XKR6: variants seen among roughly 807,000 people sequenced by gnomAD.
The protein encoded by XKR6 is XK related 6, also known as XK-related protein 6.
XKR6 carries 22 observed loss-of-function variants against 56.7 expected under a neutral mutation model. The observed-to-expected ratio is 0.39, with a 90% CI of 0.28 to 0.55. The LOEUF is 0.55. Among genes scored for constraint, XKR6 ranks in the 20% least tolerant of loss-of-function variants. The pLI, the probability that XKR6 is intolerant of heterozygous loss-of-function variation, is 0.66. For missense variants in XKR6, 852 were observed against 889.0 expected, an observed-to-expected ratio of 0.96 and a Z score of 0.53; for synonymous variants, 524 against 387.8, an observed-to-expected ratio of 1.35 and a Z score of -4.13.
At chr8:11,071,640 C>G (rs987342738) in intron 1 of XKR6, among the ~76,000 whole-genome samples, 2 of 148,216 alleles carry the variant, frequency 1.3e-5, no homozygotes, top group African/African-American at 5.0e-5. Context: ...CCATGAGCCC[C>G]GAGTCCATGA....
At chr8:11,173,366 T>TATACACAC (rs1554478604) in intron 1 of XKR6, among the ~76,000 whole-genome samples, 4 of 143,976 alleles carry the variant, frequency 2.8e-5, no homozygotes, top group African/African-American at 1.1e-4. Flanking sequence ...TATATATATA[T>TATACACAC]ACACACACAC....
At chr8:11,118,656 C>G (rs1799296004) in intron 1 of XKR6, among the ~76,000 whole-genome samples, 1 of 152,044 alleles carries the variant, frequency 6.6e-6, no homozygotes, top group African/African-American at 2.4e-5. Context: ...GTGGTGATAT[C>G]CCCTTTATCA....
intron 2 of XKR6, among the ~76,000 whole-genome samples, chr8:10,916,263 GA>G (rs1479467067): frequency 3.3e-5 from 5 of 152,200 alleles, no homozygotes; most frequent in Non-Finnish European, 7.3e-5. Flanking sequence ...AAATGGAATG[GA>G]AAATTCATGG....
intron 1 of XKR6, among the ~76,000 whole-genome samples, chr8:10,940,037 G>A (rs770471047): frequency 5.3e-5 from 8 of 152,218 alleles, no homozygotes; most frequent in African/African-American, 1.4e-4. Context: ...CTGCGTCGAC[G>A]TGTAATGCAA....
chr8:11,112,581 C>T (rs1798955769), intron 1 of XKR6, among the ~76,000 whole-genome samples: 1 of 152,114 alleles, frequency 6.6e-6, no homozygotes. Flanking sequence ...TTTAATTATT[C>T]CACAGAAAAT....
intron 1 of XKR6, among the ~76,000 whole-genome samples, chr8:11,121,556 G>A (rs1429278141): frequency 5.3e-5 from 8 of 152,186 alleles, no homozygotes; most frequent in Non-Finnish European, 8.8e-5. Context: ...AGAGGATGTG[G>A]AGAAACAGGA....
At chr8:10,987,827 G>A (rs1310969172) in intron 1 of XKR6, among the ~76,000 whole-genome samples, 1 of 152,048 alleles carries the variant, frequency 6.6e-6, no homozygotes, top group Non-Finnish European at 1.5e-5. Context: ...CTCCTTTCTG[G>A]TCCTCCAATG....
At chr8:11,194,861 ATTTTGACACTTTGTT>A in intron 1 of XKR6, 1 of 455,478 alleles carries the variant, frequency 2.2e-6, no homozygotes, top group South Asian at 3.1e-5. Context: ...TACAATACAG[ATTTTGACACTTTGTT>A]TCTGGATCCT....
At chr8:10,933,511 T>C (rs1429258020) in intron 1 of XKR6, among the ~76,000 whole-genome samples, 1 of 128,532 alleles carries the variant, frequency 7.8e-6, no homozygotes, top group Non-Finnish European at 1.7e-5. Flanking sequence ...GGTTTTCTTC[T>C]AGGGTTTTTA....
Position 10,924,614 on chromosome 8 carries a change from C to G in XKR6, c.961+20G>C. 1 of 1,588,616 alleles carries G rather than the reference C, an allele frequency of 6.3e-7. No individual in the cohort carries two copies. Among genetic ancestry groups the G allele is most frequent in the African/African-American group, 1.3e-5 (1 of 74,444 alleles). The stretch of plus-strand genomic sequence containing the variant: ...TGGAGGGCAGGCCGGGGTGGCGGGG[C>G]GCGGCCGGCGGGCACTCACAGGGCA... On this transcript the variant is annotated intron_variant, in intron 2 of 2. Coordinates refer to ENST00000416569, the MANE Select transcript of XKR6 (RefSeq NM_173683.4).
chr8:11,087,986 T>C (rs908505199), intron 1 of XKR6, among the ~76,000 whole-genome samples: 3 of 152,232 alleles, frequency 2.0e-5, no homozygotes, highest in Non-Finnish European at 2.9e-5. Flanking sequence ...ACCTGATTTG[T>C]TGAAAACATA....
chr8:11,148,474 T>C (rs1482886728), intron 1 of XKR6, among the ~76,000 whole-genome samples: 3 of 152,184 alleles, frequency 2.0e-5, no homozygotes, highest in Non-Finnish European at 4.4e-5. Flanking sequence ...AAGAAATACA[T>C]TGCTGTTGTT....
chr8:11,004,576 C>A (rs1333447042), intron 1 of XKR6, among the ~76,000 whole-genome samples: 1 of 152,176 alleles, frequency 6.6e-6, no homozygotes, highest in Non-Finnish European at 1.5e-5. Context: ...GTAGCAACTG[C>A]CTACCAGGCC....
At chr8:10,921,949 G>C (rs1800735636) in intron 2 of XKR6, among the ~76,000 whole-genome samples, 1 of 152,224 alleles carries the variant, frequency 6.6e-6, no homozygotes, top group Non-Finnish European at 1.5e-5. Flanking sequence ...AGGCCATAAG[G>C]ACTCCTCTCT....
At chr8:10,925,069 G>C (rs1393270199) in intron 1 of XKR6, among the ~76,000 whole-genome samples, 2 of 152,172 alleles carry the variant, frequency 1.3e-5, no homozygotes, top group African/African-American at 4.8e-5. Flanking sequence ...CCCCTAGGCA[G>C]GTCTTCCTCC....
intron 1 of XKR6, among the ~76,000 whole-genome samples, chr8:10,993,815 T>C (rs1798047979): frequency 1.3e-5 from 2 of 152,188 alleles, no homozygotes; most frequent in Non-Finnish European, 2.9e-5. Flanking sequence ...AGCCCAGTTA[T>C]TCAAAGAGGG....
intron 1 of XKR6, among the ~76,000 whole-genome samples, chr8:11,015,731 C>G (rs895141637): frequency 2.6e-5 from 4 of 151,838 alleles, no homozygotes; most frequent in South Asian, 2.1e-4. Context: ...CGGGGGCGGG[C>G]TCGGGGTAAG....
intron 1 of XKR6, among the ~76,000 whole-genome samples, chr8:11,007,928 G>C (rs558212332): frequency 1.3e-5 from 2 of 151,458 alleles, no homozygotes; most frequent in East Asian, 1.9e-4. Flanking sequence ...GGGCAGAGTG[G>C]GGGGAGGGCA....
intron 1 of XKR6, among the ~76,000 whole-genome samples, chr8:10,963,043 GCA>G (rs1802110450): frequency 6.6e-6 from 1 of 152,144 alleles, no homozygotes; most frequent in South Asian, 2.1e-4. Flanking sequence ...CTCCTGCCCG[GCA>G]CCCCTGCAGT....
Sources: gnomAD v4.1 joint callset for allele counts (sites outside exome capture counted in the v4.1 genomes callset) on GRCh38, gnomAD v4.1.1 for gene constraint, MANE v1.5 for transcripts, NCBI Gene and HGNC (gene_info 2026-07-23, HGNC 2026-07-21) for gene names.